The following NALF1 variants were observed in gnomAD, a reference collection of about 807,000 sequenced individuals.
NALF1 encodes the protein NALCN channel auxiliary factor 1, also known as family with sequence similarity 155 member A.
Under a neutral mutation model 48.4 loss-of-function variants are expected in NALF1, and 3 were observed. The observed-to-expected ratio is 0.06, with a 90% CI of 0.03 to 0.16. NALF1 has a LOEUF of 0.16. Among genes scored for constraint, NALF1 ranks in the 10% least tolerant of loss-of-function variants. The pLI, the probability that NALF1 is intolerant of heterozygous loss-of-function variation, is 1.00. For synonymous variants in NALF1, 262 were observed against 245.7 expected, an observed-to-expected ratio of 1.07 and a Z score of -0.62; for missense variants, 526 against 571.5, an observed-to-expected ratio of 0.92 and a Z score of 0.81.
At chr13:107,374,520 C>T (rs548413844) in intron 1 of NALF1, among the ~76,000 whole-genome samples, 305 of 152,126 alleles carry the variant, frequency 2.0e-3, no homozygotes, top group Non-Finnish European at 3.3e-3. Context: ...AGCAGCTTTC[C>T]CTTGAAAAGA....
At chr13:107,821,220 G>A (rs1287799997) in intron 1 of NALF1, among the ~76,000 whole-genome samples, 1 of 152,178 alleles carries the variant, frequency 6.6e-6, no homozygotes, top group Non-Finnish European at 1.5e-5. Flanking sequence ...AAAGAGAATT[G>A]TCTACCTGAT....
chr13:107,189,995 T>G (rs1879249502), intron 2 of NALF1, among the ~76,000 whole-genome samples: 1 of 152,344 alleles, frequency 6.6e-6, no homozygotes, highest in East Asian at 1.9e-4. Flanking sequence ...TGTGTGTTCC[T>G]TGTTGAGAAC....
intron 1 of NALF1, among the ~76,000 whole-genome samples, chr13:107,822,506 TA>T (rs1879389450): frequency 1.3e-5 from 2 of 152,084 alleles, no homozygotes; most frequent in South Asian, 4.1e-4. Flanking sequence ...ATCTATGGCC[TA>T]ATGAGCCTAC....
Position 107,445,929 on chromosome 13 carries a change from C to T in NALF1, c.916-235174G>A, listed in dbSNP as rs190337647. The stretch of plus-strand genomic sequence containing the variant: ...TATAATGCTTTAAAAATACTGGTCA[C>T]ATTTATATTTGGGACAGATTTTTTT... On this transcript the variant is annotated intron_variant, in intron 1 of 2. Coordinates refer to ENST00000375915, the MANE Select transcript of NALF1 (RefSeq NM_001080396.3). Among the ~76,000 whole-genome samples, 180 of 152,164 alleles carry T rather than the reference C, an allele frequency of 1.2e-3. 1 individual carries two copies. Among genetic ancestry groups the T allele is most frequent in the African/African-American group, 4.2e-3 (176 of 41,510 alleles).
chr13:107,426,149 C>T (rs909368282), intron 1 of NALF1, among the ~76,000 whole-genome samples: 1 of 152,146 alleles, frequency 6.6e-6, no homozygotes, highest in African/African-American at 2.4e-5. Flanking sequence ...TGCAGAAATG[C>T]TCCCTGACAG....
chr13:107,671,012 G>A (rs919988128), intron 1 of NALF1, among the ~76,000 whole-genome samples: 2 of 152,032 alleles, frequency 1.3e-5, no homozygotes, highest in African/African-American at 4.8e-5. Flanking sequence ...CTTTGAATCA[G>A]TCATTGAATC....
chr13:107,734,456 A>T (rs1876408230), intron 1 of NALF1, among the ~76,000 whole-genome samples: 1 of 151,580 alleles, frequency 6.6e-6, no homozygotes. Context: ...AAGAACCCAG[A>T]GTTAGATGCA....
Position 107,851,805 on chromosome 13 carries a change from C to CATTTTTTTTT in NALF1, c.915+13876_915+13877insAAAAAAAAAT, listed in dbSNP as rs1555329721. Among the ~76,000 whole-genome samples, 579 of 104,686 alleles carry CATTTTTTTTT rather than the reference C, an allele frequency of 5.5e-3. 46 individuals carry two copies. The highest frequency in any genetic ancestry group is 0.013 in the African/African-American group (381 of 28,232). The allele number at this position is 104,686 out of a possible 152,430, so 68.7% of individuals were successfully genotyped here. ...GGATTAAGGGCTTTACAGGCCCTTT[C>CATTTTTTTTT]TTTTTTTTTTTTTTTTTTTTTGAGA... On this transcript the variant is annotated intron_variant, in intron 1 of 2. Transcript: ENST00000375915.
chr13:107,700,143 G>GA lies in NALF1; in HGVS notation c.915+165538dup, dbSNP rs201344134. ...TCCAATGGCATTTTTCACAGAAATA[G>GA]AAAAAAAAGCCTCAAAATTTATTCA... On this transcript the variant is annotated intron_variant, in intron 1 of 2. Transcript: ENST00000375915. Among the ~76,000 whole-genome samples, 1,208 of 150,384 alleles carry GA rather than the reference G, an allele frequency of 8.0e-3. 11 individuals carry two copies. Among genetic ancestry groups the GA allele is most frequent in the Middle Eastern group, 0.024 (7 of 292 alleles).
chr13:107,645,774 C>T (rs928461252), intron 1 of NALF1, among the ~76,000 whole-genome samples: 11 of 151,816 alleles, frequency 7.2e-5, no homozygotes, highest in Non-Finnish European at 1.5e-5. Context: ...GCTTAATCAG[C>T]AAATAACTGA....
At chr13:107,828,612 C>T (rs972550936) in intron 1 of NALF1, among the ~76,000 whole-genome samples, 9,232 of 103,514 alleles carry the variant, frequency 0.089, 338 homozygotes, top group East Asian at 0.15. Context: ...TCTATACACA[C>T]ACACACACAC....
At chr13:107,847,910 C>A (rs1267743266) in intron 1 of NALF1, among the ~76,000 whole-genome samples, 2 of 151,628 alleles carry the variant, frequency 1.3e-5, no homozygotes, top group African/African-American at 2.4e-5. Context: ...AAATTCTCTA[C>A]TTTTTTTGCA....
intron 1 of NALF1, among the ~76,000 whole-genome samples, chr13:107,689,881 T>C (rs921792098): frequency 5.9e-5 from 9 of 152,330 alleles, no homozygotes; most frequent in Admixed American, 5.2e-4. Context: ...ATAAAGACTT[T>C]AAGTTACAAA....
chr13:107,511,378 T>TTACA (rs2139087650), intron 1 of NALF1, among the ~76,000 whole-genome samples: 1 of 152,062 alleles, frequency 6.6e-6, no homozygotes, highest in Non-Finnish European at 1.5e-5. Context: ...GAGAGAGAAA[T>TTACA]TACAGACGTT....
chr13:107,682,056 T>A (rs903248907), intron 1 of NALF1, among the ~76,000 whole-genome samples: 1 of 152,156 alleles, frequency 6.6e-6, no homozygotes. Flanking sequence ...AACCAGGCAC[T>A]GGGAACATAT....
intron 1 of NALF1, among the ~76,000 whole-genome samples, chr13:107,425,813 A>T (rs1392781690): frequency 6.6e-6 from 1 of 152,096 alleles, no homozygotes; most frequent in Non-Finnish European, 1.5e-5. Flanking sequence ...ATGATATTGG[A>T]TATCTATGTA....
intron 1 of NALF1, among the ~76,000 whole-genome samples, chr13:107,448,959 G>T (rs758023953): frequency 2.6e-4 from 39 of 152,210 alleles, no homozygotes; most frequent in African/African-American, 8.9e-4. Context: ...AACATCACAC[G>T]ACTGCCAGGT....
chr13:107,235,878 T>C (rs1880331658), intron 1 of NALF1, among the ~76,000 whole-genome samples: 1 of 152,162 alleles, frequency 6.6e-6, no homozygotes, highest in Admixed American at 6.5e-5. Context: ...TTAGTGTGGG[T>C]TTACTAGATG....
At chr13:107,375,205 T>C (rs186201998) in intron 1 of NALF1, among the ~76,000 whole-genome samples, 80 of 152,342 alleles carry the variant, frequency 5.3e-4, no homozygotes, top group Non-Finnish European at 1.1e-3. Flanking sequence ...TGTGATACCA[T>C]GTGTGTATGT....
Sources: allele counts gnomAD v4.1 joint callset (sites outside exome capture counted in the v4.1 genomes callset), GRCh38; gene constraint gnomAD v4.1.1; transcripts MANE v1.5; gene names NCBI Gene and HGNC (gene_info 2026-07-23, HGNC 2026-07-21).